Variants in UST observed in about 807,000 individuals in gnomAD.
UST encodes the protein chondroitin sulfate 2-O-sulfotransferase.
A neutral mutation model predicts 45.6 loss-of-function variants in UST; 21 were observed. That is an observed-to-expected ratio of 0.46 (90% confidence interval 0.33 to 0.66). The LOEUF is 0.66. Among genes scored for constraint, UST ranks in the 30% least tolerant of loss-of-function variants. The pLI, the probability that UST is intolerant of heterozygous loss-of-function variation, is 0.02. For synonymous variants in UST, 215 were observed against 200.6 expected (o/e 1.07, Z -0.61); for missense variants, 463 against 512.4 (o/e 0.90, Z 0.93).
chr6:149,008,890 G>A (rs112722123), intron 5 of UST, among the ~76,000 whole-genome samples: 32 of 152,254 alleles, frequency 2.1e-4, no homozygotes, highest in African/African-American at 7.5e-4. Context: ...GCAGCCCACT[G>A]GTTATAAACG....
At chr6:148,878,422 T>C (rs1359710213) in intron 1 of UST, among the ~76,000 whole-genome samples, 17 of 55,332 alleles carry the variant, frequency 3.1e-4, no homozygotes, top group African/African-American at 1.1e-3. Flanking sequence ...AGTGGGGGGG[T>C]CGTGTATGAG....
chr6:148,910,563 C>CA (rs1779452843), intron 2 of UST, among the ~76,000 whole-genome samples: 1 of 152,146 alleles, frequency 6.6e-6, no homozygotes, highest in East Asian at 1.9e-4. Context: ...ACCACAGACT[C>CA]ACATCTTTAA....
intron 5 of UST, among the ~76,000 whole-genome samples, chr6:148,995,689 A>G (rs1340195691): frequency 6.6e-6 from 1 of 152,262 alleles, no homozygotes; most frequent in Non-Finnish European, 1.5e-5. Context: ...TAGTACCAAC[A>G]TTTAAGAATT....
chr6:149,014,174 T>C (rs527869357), intron 5 of UST, among the ~76,000 whole-genome samples: 38 of 152,300 alleles, frequency 2.5e-4, no homozygotes, highest in Admixed American at 4.6e-4. Context: ...TGTCCAGGCC[T>C]CCAGCGCAGT....
At chr6:148,966,304 A>C (rs908960016) in intron 5 of UST, among the ~76,000 whole-genome samples, 4 of 152,098 alleles carry the variant, frequency 2.6e-5, no homozygotes, top group Non-Finnish European at 5.9e-5. Flanking sequence ...ATTTGGTGAG[A>C]CGTGTATTCA....
chr6:148,947,452 AG>A (rs1033942846), intron 3 of UST, among the ~76,000 whole-genome samples: 4 of 152,334 alleles, frequency 2.6e-5, no homozygotes, highest in African/African-American at 9.6e-5. Context: ...TGTATTTTGC[AG>A]GGGAAAAACT....
intron 1 of UST, among the ~76,000 whole-genome samples, chr6:148,885,703 A>G (rs1211555864): frequency 2.0e-5 from 3 of 152,210 alleles, no homozygotes; most frequent in Admixed American, 1.3e-4. Context: ...GGAAAAACCT[A>G]TAAGCCAGAA....
intron 1 of UST, among the ~76,000 whole-genome samples, chr6:148,872,060 C>T (rs540527831): frequency 6.6e-6 from 1 of 152,238 alleles, no homozygotes; most frequent in East Asian, 1.9e-4. Flanking sequence ...TGTGTGTGTG[C>T]ATGCACGTGC....
intron 1 of UST, among the ~76,000 whole-genome samples, chr6:148,847,223 G>A (rs563590417): frequency 2.6e-4 from 40 of 152,348 alleles, no homozygotes; most frequent in African/African-American, 8.9e-4. Flanking sequence ...TGTGGGCCAG[G>A]AGTCTGGCAT....
chr6:148,983,884 A>G (rs7754049), intron 5 of UST, among the ~76,000 whole-genome samples: 96,971 of 152,072 alleles, frequency 0.64, 31,084 homozygotes, highest in African/African-American at 0.68. Context: ...AGACCCTATC[A>G]CCACCACCCC....
intron 1 of UST, among the ~76,000 whole-genome samples, chr6:148,778,875 C>A (rs149949860): frequency 6.6e-6 from 1 of 152,146 alleles, no homozygotes; most frequent in East Asian, 1.9e-4. Context: ...GGCCCACCCC[C>A]CTCCATCCCA....
chr6:148,993,956 CTTTTT>C (rs57552256), intron 5 of UST, among the ~76,000 whole-genome samples: 3 of 95,358 alleles, frequency 3.1e-5, no homozygotes, highest in African/African-American at 1.4e-4. Flanking sequence ...TATTTCTTTC[CTTTTT>C]TTTTTTTTTT....
intron 5 of UST, among the ~76,000 whole-genome samples, chr6:148,997,694 T>C (rs1395821619): frequency 6.6e-6 from 1 of 152,240 alleles, no homozygotes; most frequent in Non-Finnish European, 1.5e-5. Flanking sequence ...ATTTTTTTGT[T>C]TGCTTTTTAT....
chr6:148,762,533 A>ACCTTTTTTTT (rs1406385569), intron 1 of UST, among the ~76,000 whole-genome samples: 1 of 144,188 alleles, frequency 6.9e-6, no homozygotes, highest in Non-Finnish European at 1.5e-5. Flanking sequence ...GCAGGCTTCT[A>ACCTTTTTTTT]TCTTTTTTTT....
chr6:148,892,208 T>C (rs1330615185), intron 2 of UST, among the ~76,000 whole-genome samples: 1 of 152,230 alleles, frequency 6.6e-6, no homozygotes, highest in African/African-American at 2.4e-5. Flanking sequence ...ATCAATTTCA[T>C]CATCATCATT....
Position 148,790,472 on chromosome 6 carries a change from G to A in UST, c.247+42795G>A, listed in dbSNP as rs187223114. 5.9e-5 allele frequency among the ~76,000 whole-genome samples: 9 copies of A among 152,326 alleles called. No homozygotes were observed. The East Asian group carries it at 1.2e-3, about 20-fold the overall frequency. ...GGGGTAGATGGCATACCTCCTTGGC[G>A]AATCTGATTTTGAAGTCCGTGCCCT... On this transcript the variant is annotated intron_variant, in intron 1 of 7. Transcript: ENST00000367463. This position sits in a 1 kb window ranked among gnomAD's most constrained non-coding sequence, Gnocchi z 4.2.
chr6:149,005,219 C>T, intron 5 of UST: 5 of 896,084 alleles, frequency 5.6e-6, no homozygotes, highest in Non-Finnish European at 6.7e-6. Context: ...CCCTGCCCAT[C>T]CAGCACCTCC....
chr6:148,843,400 C>T (rs1777923513), intron 1 of UST, among the ~76,000 whole-genome samples: 1 of 152,172 alleles, frequency 6.6e-6, no homozygotes, highest in Non-Finnish European at 1.5e-5. Flanking sequence ...CGGCAGTGAT[C>T]CAATCAATAT....
At chr6:148,994,540 T>G (rs1032377668) in intron 5 of UST, among the ~76,000 whole-genome samples, 2 of 152,156 alleles carry the variant, frequency 1.3e-5, no homozygotes, top group Non-Finnish European at 2.9e-5. Flanking sequence ...ATTCTCTGAT[T>G]CAAGGGTAAG....
Sources: gnomAD v4.1 joint callset for allele counts (sites outside exome capture counted in the v4.1 genomes callset) on GRCh38, gnomAD v4.1.1 for gene constraint, Gnocchi (gnomAD v3.1) non-coding constraint, MANE v1.5 for transcripts, NCBI Gene and HGNC (gene_info 2026-07-23, HGNC 2026-07-21) for gene names.